Variants in LHFPL3 observed in about 807,000 individuals in gnomAD.
LHFPL3 encodes LHFPL tetraspan subfamily member 3 protein.
A neutral mutation model predicts 19.3 loss-of-function variants in LHFPL3; 5 were observed. The observed-to-expected ratio is 0.26, with a 90% CI of 0.14 to 0.54. The LOEUF (loss-of-function observed/expected upper bound fraction) is 0.54. Among genes scored for constraint, LHFPL3 ranks in the 20% least tolerant of loss-of-function variants. LHFPL3 has a pLI of 0.94. For missense variants in LHFPL3, 249 were observed against 307.4 expected, an observed-to-expected ratio of 0.81 and a Z score of 1.42; for synonymous variants, 133 against 126.2, an observed-to-expected ratio of 1.05 and a Z score of -0.36.
At chr7:104,430,386 A>ACGTG (rs1554393120) in intron 1 of LHFPL3, among the ~76,000 whole-genome samples, 18 of 41,942 alleles carry the variant, frequency 4.3e-4, no homozygotes, top group Middle Eastern at 8.5e-3. Flanking sequence ...ATATATACAT[A>ACGTG]TATATATATA....
In LHFPL3 at chr7:104,736,780, G is replaced by T; in HGVS notation, c.551G>T (p.Cys184Phe). ...ACAGACAAGTACACTCTTGGGGCTT[G>T]CTCAGTCCGCTGGGCATACATCCTG... ...EKTDKYTLGA[C>F]SVRWAYILAI... is the part of the protein sequence containing the mutation. The change falls in exon 2 of 3, where the codon TGC (cysteine) becomes TTC (phenylalanine). Residue 184 changes from cysteine to phenylalanine, a missense_variant. Coordinates refer to ENST00000424859, the MANE Select transcript of LHFPL3 (RefSeq NM_199000.3). 1.2e-6 allele frequency: 2 copies of T among 1,613,596 alleles called. No homozygotes were observed. The highest frequency in any genetic ancestry group is 1.7e-6 in the Non-Finnish European group (2 of 1,179,784).
intron 2 of LHFPL3, among the ~76,000 whole-genome samples, chr7:104,743,799 A>T (rs1246472618): frequency 1.3e-5 from 2 of 152,266 alleles, no homozygotes; most frequent in East Asian, 3.9e-4. Flanking sequence ...TCAAAATTTC[A>T]AGTTCTTTGT....
chr7:104,773,007 T>C (rs987419659), intron 2 of LHFPL3, among the ~76,000 whole-genome samples: 1 of 152,384 alleles, frequency 6.6e-6, no homozygotes, highest in African/African-American at 2.4e-5. Context: ...GTTTTTCTTT[T>C]AACCTATTTA....
intron 1 of LHFPL3, among the ~76,000 whole-genome samples, chr7:104,612,102 G>T (rs1325175073): frequency 6.6e-6 from 1 of 152,144 alleles, no homozygotes; most frequent in Admixed American, 6.6e-5. Flanking sequence ...AGAGTTATCT[G>T]GTGTGTGAAA....
At chr7:104,712,676 A>G (rs1793318876) in intron 1 of LHFPL3, among the ~76,000 whole-genome samples, 1 of 152,216 alleles carries the variant, frequency 6.6e-6, no homozygotes, top group Admixed American at 6.5e-5. Flanking sequence ...GAGTTTTCAG[A>G]ACAGAATGCA....
chr7:104,365,669 TA>T (rs1790472766), intron 1 of LHFPL3, among the ~76,000 whole-genome samples: 1 of 148,214 alleles, frequency 6.7e-6, no homozygotes, highest in Admixed American at 6.8e-5. Context: ...TAGTCCCAGC[TA>T]CTCGGGAGGC....
In LHFPL3 at chr7:104,540,956, G is replaced by A. The variant is rs1199671147; in HGVS notation, c.446-195719G>A. Among the ~76,000 whole-genome samples, 35 of 152,096 alleles carry A rather than the reference G, an allele frequency of 2.3e-4. 1 individual carries two copies. On this transcript the variant is annotated intron_variant, in intron 1 of 2. Coordinates refer to ENST00000424859, the MANE Select transcript of LHFPL3 (RefSeq NM_199000.3). Reference sequence around the variant, plus strand: ...GAACTCTGCCAGCATTTTTTCTCATGGCTTCTTCCAGTTGTAGTTAGAGCT... The same window carrying A: ...GAACTCTGCCAGCATTTTTTCTCATAGCTTCTTCCAGTTGTAGTTAGAGCT...
intron 1 of LHFPL3, among the ~76,000 whole-genome samples, chr7:104,359,912 A>G (rs762203473): frequency 2.0e-5 from 3 of 152,246 alleles, no homozygotes; most frequent in South Asian, 2.1e-4. Flanking sequence ...TACTTCATAG[A>G]CATGGTTTTA....
At chr7:104,390,512 T>C (rs11976526) in intron 1 of LHFPL3, among the ~76,000 whole-genome samples, 62,776 of 151,984 alleles carry the variant, frequency 0.41, 13,338 homozygotes, top group Admixed American at 0.54. Flanking sequence ...AGGACATGAA[T>C]TCATCCTTTT....
At chr7:104,838,539 G>A (rs10258340) in intron 2 of LHFPL3, among the ~76,000 whole-genome samples, 29,191 of 152,156 alleles carry the variant, frequency 0.19, 3,071 homozygotes, top group East Asian at 0.31. Flanking sequence ...GACTGTAGCT[G>A]ACATATTTAT....
At chr7:104,422,784 T>C (rs565133501) in intron 1 of LHFPL3, among the ~76,000 whole-genome samples, 1 of 152,342 alleles carries the variant, frequency 6.6e-6, no homozygotes, top group South Asian at 2.1e-4. Context: ...TACACATTTG[T>C]TAAATATTCC....
At chr7:104,367,672 A>C (rs1418182379) in intron 1 of LHFPL3, among the ~76,000 whole-genome samples, 1 of 152,208 alleles carries the variant, frequency 6.6e-6, no homozygotes, top group East Asian at 1.9e-4. Context: ...GGATCTATTC[A>C]CATAATATTA....
intron 2 of LHFPL3, among the ~76,000 whole-genome samples, chr7:104,861,445 G>A (rs1376589450): frequency 6.6e-6 from 1 of 152,202 alleles, no homozygotes; most frequent in Non-Finnish European, 1.5e-5. Context: ...CCTTCAAACA[G>A]GGTAATTTAG....
At chr7:104,343,920 T>A (rs1790012400) in intron 1 of LHFPL3, among the ~76,000 whole-genome samples, 1 of 152,172 alleles carries the variant, frequency 6.6e-6, no homozygotes, top group Non-Finnish European at 1.5e-5. Context: ...TAGCATATTG[T>A]TTAATTTTGT....
intron 1 of LHFPL3, among the ~76,000 whole-genome samples, chr7:104,515,887 C>T (rs1793910603): frequency 6.6e-6 from 1 of 152,116 alleles, no homozygotes; most frequent in Non-Finnish European, 1.5e-5. Flanking sequence ...AACTTTCCCA[C>T]ATTTTCCTTT....
intron 2 of LHFPL3, among the ~76,000 whole-genome samples, chr7:104,902,759 A>G (rs2470933): frequency 0.9 from 137,474 of 152,212 alleles, 62,314 homozygotes; most frequent in East Asian, 1. Flanking sequence ...GCACTCCAGC[A>G]TGGGCAACAG....
At chr7:104,490,696 G>A (rs1281550727) in intron 1 of LHFPL3, among the ~76,000 whole-genome samples, 2 of 152,108 alleles carry the variant, frequency 1.3e-5, no homozygotes, top group Non-Finnish European at 2.9e-5. Context: ...TAATAATAAT[G>A]ATCAGAAAAG....
intron 1 of LHFPL3, among the ~76,000 whole-genome samples, chr7:104,730,657 A>T (rs1344990009): frequency 6.6e-6 from 1 of 152,100 alleles, no homozygotes; most frequent in Non-Finnish European, 1.5e-5. Context: ...CCTTTGTCAG[A>T]TGAGTAGATT....
chr7:104,619,023 C>T (rs1306510975), intron 1 of LHFPL3, among the ~76,000 whole-genome samples: 12 of 152,170 alleles, frequency 7.9e-5, no homozygotes, highest in Non-Finnish European at 1.5e-4. Flanking sequence ...AACCATTTAT[C>T]ATGATTGTAT....
Sources: allele counts gnomAD v4.1 joint callset (sites outside exome capture counted in the v4.1 genomes callset), GRCh38; gene constraint gnomAD v4.1.1; transcripts MANE v1.5; gene names NCBI Gene and HGNC (gene_info 2026-07-23, HGNC 2026-07-21).